IL17B: variants seen among roughly 807,000 people sequenced by gnomAD.
IL17B encodes interleukin 17B.
Under a neutral mutation model 14.7 loss-of-function variants are expected in IL17B, and 14 were observed. That is an observed-to-expected ratio of 0.95 (90% CI 0.63 to 1.49). The LOEUF (loss-of-function observed/expected upper bound fraction) is 1.49, where lower values mean the gene tolerates loss of function less well. Among genes scored for constraint, IL17B ranks in the 40% most tolerant of loss-of-function variants. The probability of loss-of-function intolerance (pLI) is 0.00; values close to 1 mark genes in which losing one functional copy is unlikely to be tolerated. For missense variants in IL17B, 233 were observed against 252.8 expected, an observed-to-expected ratio of 0.92 and a Z score of 0.53; for synonymous variants, 105 against 94.8, an observed-to-expected ratio of 1.11 and a Z score of -0.62.
intron 1 of IL17B, among the ~76,000 whole-genome samples, chr5:149,386,097 C>T (rs1360259645): frequency 6.6e-6 from 1 of 152,186 alleles, no homozygotes; most frequent in Non-Finnish European, 1.5e-5. Context: ...ATATTGGCCT[C>T]TGTTGTTGGG....
At chr5:149,387,645 G>A (rs1431120401) in intron 1 of IL17B, among the ~76,000 whole-genome samples, 1 of 133,938 alleles carries the variant, frequency 7.5e-6, no homozygotes, top group Admixed American at 7.5e-5. Context: ...GTGGTGGCAT[G>A]CATCTGTAGT....
At chr5:149,399,717 G>A (rs371541825) in intron 1 of IL17B, among the ~76,000 whole-genome samples, 9 of 152,152 alleles carry the variant, frequency 5.9e-5, no homozygotes, top group African/African-American at 1.2e-4. Context: ...TAATAGGGCC[G>A]GGACTCCCGC....
chr5:149,387,957 TCAGCTACCCTAACCTTTGCCC>T (rs1314343252), intron 1 of IL17B, among the ~76,000 whole-genome samples: 1 of 152,116 alleles, frequency 6.6e-6, no homozygotes, highest in Non-Finnish European at 1.5e-5. Flanking sequence ...CCTTTAACCA[TCAGCTACCCTAACCTTTGCCC>T]CAGCTTAGGG....
intron 1 of IL17B, among the ~76,000 whole-genome samples, chr5:149,390,529 C>T (rs1301016592): frequency 6.9e-6 from 1 of 145,190 alleles, no homozygotes; most frequent in Non-Finnish European, 1.5e-5. Flanking sequence ...GAAACCCCCC[C>T]AAACCCTCAT....
chr5:149,376,186 T>C (rs1758526965), intron 2 of IL17B, among the ~76,000 whole-genome samples: 1 of 152,216 alleles, frequency 6.6e-6, no homozygotes, highest in African/African-American at 2.4e-5. Context: ...GCCATCGTTA[T>C]CCAGGGCAAT....
chr5:149,399,329 G>A (rs1040893979), intron 1 of IL17B, among the ~76,000 whole-genome samples: 2 of 152,146 alleles, frequency 1.3e-5, no homozygotes, highest in African/African-American at 2.4e-5. Context: ...CAAAAGCTTG[G>A]CCTCCTGGTT....
chr5:149,375,540 T>A (rs1758506054), intron 2 of IL17B, among the ~76,000 whole-genome samples: 1 of 152,244 alleles, frequency 6.6e-6, no homozygotes, highest in Non-Finnish European at 1.5e-5. Flanking sequence ...ACCCTTCCAA[T>A]GGTCACATTC....
rs1226142639 is a variant in IL17B at position 149,374,411 on chromosome 5, T to A, written c.501A>T (p.Ala167=). ...PPRTGPCRQR[A]VMETIAVGCT... ...AGCCCACAGCGATGGTCTCCATGAC[T>A]GCGCGCTGGCGGCAAGGCCCTGTGC... The change falls in exon 3 of 3, where the codon GCA becomes GCT. Residue 167 remains alanine, a synonymous_variant. Transcript: ENST00000261796. This position sits in a 1 kb window ranked among gnomAD's most constrained non-coding sequence, Gnocchi z 5.0. The A allele has an allele frequency of 1.2e-6, 2 of 1,602,990 alleles. No homozygotes were observed. Among genetic ancestry groups the A allele is most frequent in the African/African-American group, 2.7e-5 (2 of 74,846 alleles).
rs536459629 is a variant in IL17B at position 149,375,571 on chromosome 5, C to T, written c.312-971G>A. Among the ~76,000 whole-genome samples, 8 of 152,350 alleles carry T rather than the reference C, an allele frequency of 5.3e-5. No homozygotes were observed. The South Asian group carries it at 6.2e-4, about 12-fold the overall frequency. On this transcript the variant is annotated intron_variant, in intron 2 of 2. Coordinates refer to ENST00000261796, the MANE Select transcript of IL17B (RefSeq NM_014443.3). ...CATTCTGGAGCTGCACTGTCCAATG[C>T]AGTAGCCACTAGCTTCATGTGTCAA...
At chr5:149,395,352 ATGG>A in intron 1 of IL17B, among the ~76,000 whole-genome samples, 1 of 152,224 alleles carries the variant, frequency 6.6e-6, no homozygotes, top group Admixed American at 6.5e-5. Context: ...ATGTGTCTTT[ATGG>A]TAGAACTATT....
chr5:149,377,999 C>T (rs1005113683), intron 1 of IL17B, among the ~76,000 whole-genome samples: 4 of 152,052 alleles, frequency 2.6e-5, no homozygotes, highest in Admixed American at 2.6e-4. Context: ...AAAAAATTAG[C>T]CGGGTGTGGT....
chr5:149,380,133 C>G (rs1172816346), upstream of IL17B, among the ~76,000 whole-genome samples: 2 of 152,130 alleles, frequency 1.3e-5, no homozygotes, highest in East Asian at 3.9e-4. Flanking sequence ...GTTCCCTCCT[C>G]CATAAAATGG....
At chr5:149,381,862 G>A (rs1421631737), upstream of IL17B, among the ~76,000 whole-genome samples, 1 of 152,180 alleles carries the variant, frequency 6.6e-6, no homozygotes, top group African/African-American at 2.4e-5. Flanking sequence ...AGAGGGAGGT[G>A]CAGGAACTGG....
chr5:149,394,731 G>GT (rs1759056577), intron 1 of IL17B, among the ~76,000 whole-genome samples: 1 of 152,204 alleles, frequency 6.6e-6, no homozygotes, highest in Admixed American at 6.5e-5. Flanking sequence ...ATGAAAAGCT[G>GT]TTTTTTTCTT....
intron 1 of IL17B, among the ~76,000 whole-genome samples, chr5:149,378,947 T>G (rs182469427): frequency 6.6e-6 from 1 of 152,286 alleles, no homozygotes; most frequent in Non-Finnish European, 1.5e-5. Flanking sequence ...TAACTGAGTT[T>G]GCCGGGATCT....
At chr5:149,382,579 C>CGTG (rs1373980533), upstream of IL17B, among the ~76,000 whole-genome samples, 3 of 152,232 alleles carry the variant, frequency 2.0e-5, no homozygotes, top group Non-Finnish European at 4.4e-5. Context: ...TGAGGCTCAG[C>CGTG]GTGGTTAACC....
chr5:149,398,094 G>A (rs770627772), intron 1 of IL17B, among the ~76,000 whole-genome samples: 2 of 152,078 alleles, frequency 1.3e-5, no homozygotes, highest in African/African-American at 4.8e-5. Flanking sequence ...CAGTCAAGTC[G>A]ATACCTAAAA....
intron 1 of IL17B, 100 bp from the exon 2 acceptor site, chr5:149,377,125 C>T (rs1385181418): frequency 2.0e-6 from 2 of 1,010,888 alleles, no homozygotes; most frequent in Non-Finnish European, 2.8e-6. Context: ...TAGGGGTCTC[C>T]CAGGCTCAGG....
chr5:149,376,170 G>A (rs986854056), intron 2 of IL17B, among the ~76,000 whole-genome samples: 19 of 152,350 alleles, frequency 1.2e-4, no homozygotes, highest in African/African-American at 3.4e-4. Flanking sequence ...AAGAGAGGAC[G>A]CTGCTGCCAT....
Sources: allele counts gnomAD v4.1 joint callset (sites outside exome capture counted in the v4.1 genomes callset), GRCh38; gene constraint gnomAD v4.1.1; non-coding constraint Gnocchi (gnomAD v3.1); transcripts MANE v1.5; gene names NCBI Gene and HGNC (gene_info 2026-07-23, HGNC 2026-07-21).